HMGCLL1: variants seen among roughly 807,000 people sequenced by gnomAD.
The protein encoded by HMGCLL1 is 3-hydroxy-3-methylglutaryl-CoA lyase like 1, also known as 3-hydroxymethyl-3-methylglutaryl-CoA lyase, cytoplasmic.
Under a neutral mutation model 39.1 loss-of-function variants are expected in HMGCLL1, and 36 were observed. The ratio of observed to expected loss-of-function variants is 0.92; its 90% CI spans 0.71 to 1.22. The LOEUF (loss-of-function observed/expected upper bound fraction) is 1.22, where lower values mean the gene tolerates loss of function less well. HMGCLL1 is among the 50% of genes most tolerant of loss of function. The pLI, the probability that HMGCLL1 is intolerant of heterozygous loss-of-function variation, is 0.00. For missense variants in HMGCLL1, 451 were observed against 416.5 expected (o/e 1.08, Z -0.72); for synonymous variants, 149 against 144.0 (o/e 1.03, Z -0.25).
chr6:55,657,138 A>G, the HMGCLL1 span, among the ~76,000 whole-genome samples: 8 of 151,822 alleles, frequency 5.3e-5, no homozygotes, highest in East Asian at 3.9e-4. Context: ...CTTTTCTCCC[A>G]TTCTGTAGGT....
chr6:55,601,216 T>C, the HMGCLL1 span, among the ~76,000 whole-genome samples: 2 of 152,112 alleles, frequency 1.3e-5, no homozygotes, highest in African/African-American at 4.8e-5. Context: ...GTGCTGCTCA[T>C]TTGAGGCAGG....
intron 7 of HMGCLL1, among the ~76,000 whole-genome samples, chr6:55,464,378 G>T (rs1430298518): frequency 6.6e-6 from 1 of 152,060 alleles, no homozygotes; most frequent in Non-Finnish European, 1.5e-5. Context: ...ACTTTTAGTG[G>T]TTTAATTATT....
the HMGCLL1 span, among the ~76,000 whole-genome samples, chr6:55,643,604 T>A: frequency 6.6e-6 from 1 of 151,938 alleles, no homozygotes; most frequent in Non-Finnish European, 1.5e-5. Flanking sequence ...CTTCCCCCAC[T>A]CCCCACCACA....
chr6:55,544,190 C>T (rs1407817449), intron 1 of HMGCLL1, among the ~76,000 whole-genome samples: 1 of 152,048 alleles, frequency 6.6e-6, no homozygotes, highest in East Asian at 1.9e-4. Context: ...TCTGAGATGG[C>T]AAATGGTCTG....
intron 1 of HMGCLL1, among the ~76,000 whole-genome samples, chr6:55,576,094 C>A (rs1387341398): frequency 6.6e-6 from 1 of 152,040 alleles, no homozygotes; most frequent in Non-Finnish European, 1.5e-5. Context: ...TTAATATCTG[C>A]AAAGCAATTA....
chr6:55,488,778 G>T (rs371862428), intron 7 of HMGCLL1, among the ~76,000 whole-genome samples: 9 of 151,914 alleles, frequency 5.9e-5, no homozygotes, highest in African/African-American at 1.9e-4. Flanking sequence ...ATTCTAAACT[G>T]AGAAGTAATT....
chr6:55,579,713 G>T (rs997051852), upstream of HMGCLL1, among the ~76,000 whole-genome samples: 2 of 152,188 alleles, frequency 1.3e-5, no homozygotes, highest in Admixed American at 1.3e-4. Flanking sequence ...GAGGTAAGCT[G>T]TAAGTTGGTG....
chr6:55,642,705 T>G, the HMGCLL1 span, among the ~76,000 whole-genome samples: 53,115 of 151,782 alleles, frequency 0.35, 9,674 homozygotes, highest in African/African-American at 0.44. Context: ...TGTCACGGGG[T>G]TTTGTTGTAC....
At chr6:55,577,045 G>A (rs758457603) in intron 1 of HMGCLL1, 9 of 1,611,796 alleles carry the variant, frequency 5.6e-6, no homozygotes, top group East Asian at 2.2e-5. Flanking sequence ...ACTAGGAAGA[G>A]TGTAGATAGT....
the HMGCLL1 span, among the ~76,000 whole-genome samples, chr6:55,605,999 T>C: frequency 6.6e-6 from 1 of 152,204 alleles, no homozygotes; most frequent in South Asian, 2.1e-4. Context: ...ATATTCTCTT[T>C]AACATTTTCC....
the HMGCLL1 span, among the ~76,000 whole-genome samples, chr6:55,614,343 T>A: frequency 6.6e-6 from 1 of 152,100 alleles, no homozygotes; most frequent in Non-Finnish European, 1.5e-5. Context: ...TTCTTCTCTC[T>A]GCCAGTTAAG....
At chr6:55,591,096 C>T in the HMGCLL1 span, among the ~76,000 whole-genome samples, 1 of 151,856 alleles carries the variant, frequency 6.6e-6, no homozygotes, top group Non-Finnish European at 1.5e-5. Flanking sequence ...ATGGTATTTC[C>T]TGCTTCTAAT....
At chr6:55,653,913 A>C in the HMGCLL1 span, among the ~76,000 whole-genome samples, 1 of 152,170 alleles carries the variant, frequency 6.6e-6, no homozygotes, top group African/African-American at 2.4e-5. Context: ...AACAGTTTGA[A>C]GAAAGTCTTG....
At chr6:55,475,495 C>G (rs1411682904) in intron 7 of HMGCLL1, among the ~76,000 whole-genome samples, 1 of 151,610 alleles carries the variant, frequency 6.6e-6, no homozygotes, top group Non-Finnish European at 1.5e-5. Flanking sequence ...GAAGTTTGCT[C>G]TTCAACCTCA....
the HMGCLL1 span, among the ~76,000 whole-genome samples, chr6:55,641,884 TTATTTA>T: frequency 3.2e-4 from 37 of 114,616 alleles, 1 homozygote; most frequent in Admixed American, 2.1e-3. Flanking sequence ...TTATTTTTAT[TTATTTA>T]TTTATTTATT....
intron 7 of HMGCLL1, among the ~76,000 whole-genome samples, chr6:55,475,461 C>CCT (rs1338228137): frequency 6.6e-6 from 1 of 151,472 alleles, no homozygotes; most frequent in Non-Finnish European, 1.5e-5. Context: ...TCTGGATTTG[C>CCT]CTCTCTCTCC....
At chr6:55,508,635 C>G (rs1051719593) in intron 5 of HMGCLL1, among the ~76,000 whole-genome samples, 1 of 151,790 alleles carries the variant, frequency 6.6e-6, no homozygotes, top group Non-Finnish European at 1.5e-5. Context: ...TTGCACAACT[C>G]TCTTTTCATA....
At chr6:55,609,421 G>A in the HMGCLL1 span, among the ~76,000 whole-genome samples, 3 of 152,160 alleles carry the variant, frequency 2.0e-5, no homozygotes, top group African/African-American at 4.8e-5. Context: ...GCACCCCATG[G>A]CCACACAGCC....
chr6:55,671,625 T>C, the HMGCLL1 span, among the ~76,000 whole-genome samples: 1 of 151,794 alleles, frequency 6.6e-6, no homozygotes, highest in Admixed American at 6.6e-5. Context: ...TATTCATATT[T>C]AAATGTTGGA....
Sources: gnomAD v4.1 joint callset for allele counts (sites outside exome capture counted in the v4.1 genomes callset) on GRCh38, gnomAD v4.1.1 for gene constraint, MANE v1.5 for transcripts, NCBI Gene and HGNC (gene_info 2026-07-23, HGNC 2026-07-21) for gene names.